DPYD: variants seen among roughly 807,000 people sequenced by gnomAD.
DPYD encodes dihydropyrimidine dehydrogenase, also known as dihydropyrimidine dehydrogenase [NADP(+)].
Under a neutral mutation model 116.2 loss-of-function variants are expected in DPYD, and 109 were observed. That is an observed-to-expected ratio of 0.94 (90% CI 0.80 to 1.10). DPYD has a LOEUF of 1.10. DPYD is among the 50% of genes least tolerant of loss of function. DPYD has a pLI of 0.00. For missense variants in DPYD, 1,302 were observed against 1,254.5 expected, an observed-to-expected ratio of 1.04 and a Z score of -0.57; for synonymous variants, 440 against 432.0, an observed-to-expected ratio of 1.02 and a Z score of -0.23.
At chr1:97,760,189 G>T (rs1665494966) in intron 3 of DPYD, among the ~76,000 whole-genome samples, 1 of 152,244 alleles carries the variant, frequency 6.6e-6, no homozygotes, top group Middle Eastern at 3.4e-3. Flanking sequence ...TAGCTGGAAT[G>T]AAATTCTAGT....
chr1:97,885,198 T>C (rs1333671127), intron 1 of DPYD, among the ~76,000 whole-genome samples: 1 of 152,056 alleles, frequency 6.6e-6, no homozygotes, highest in Admixed American at 6.6e-5. Flanking sequence ...CTAGATTCCA[T>C]GATTCTTTAA....
At chr1:97,170,124 G>A (rs974196431) in intron 20 of DPYD, among the ~76,000 whole-genome samples, 1 of 152,138 alleles carries the variant, frequency 6.6e-6, no homozygotes, top group Non-Finnish European at 1.5e-5. Context: ...CCCACATACA[G>A]ATCTAGAATA....
chr1:97,783,331 G>T (rs979455521), intron 3 of DPYD, among the ~76,000 whole-genome samples: 1 of 152,022 alleles, frequency 6.6e-6, no homozygotes, highest in Admixed American at 6.6e-5. Flanking sequence ...TGCTTTCCCA[G>T]GGAGATGTTT....
intron 18 of DPYD, among the ~76,000 whole-genome samples, chr1:97,289,640 C>A (rs1209730195): frequency 2.6e-5 from 4 of 152,096 alleles, no homozygotes; most frequent in African/African-American, 7.2e-5. Flanking sequence ...TTTAACAACC[C>A]TTCATGCTAA....
At chr1:97,100,185 T>C (rs1650561331) in intron 20 of DPYD, among the ~76,000 whole-genome samples, 1 of 152,044 alleles carries the variant, frequency 6.6e-6, no homozygotes, top group Admixed American at 6.6e-5. Flanking sequence ...AAGCATAAAA[T>C]AAATAAGAGT....
At chr1:97,592,772 A>T (rs1438643187) in intron 10 of DPYD, among the ~76,000 whole-genome samples, 1 of 152,238 alleles carries the variant, frequency 6.6e-6, no homozygotes, top group African/African-American at 2.4e-5. Context: ...TTGCTTCACA[A>T]ATAATGAACT....
chr1:97,605,889 T>C (rs1655562913), intron 8 of DPYD, among the ~76,000 whole-genome samples: 1 of 152,040 alleles, frequency 6.6e-6, no homozygotes, highest in African/African-American at 2.4e-5. Context: ...TTCCTTGATA[T>C]TTAACACAAT....
chr1:97,243,644 T>G (rs1246535550), intron 18 of DPYD, among the ~76,000 whole-genome samples: 1 of 151,818 alleles, frequency 6.6e-6, no homozygotes, highest in Non-Finnish European at 1.5e-5. Flanking sequence ...TAAAGATATA[T>G]TATCCAGGTA....
At chr1:97,582,425 T>G (rs539553281) in intron 10 of DPYD, among the ~76,000 whole-genome samples, 1 of 152,348 alleles carries the variant, frequency 6.6e-6, no homozygotes, top group South Asian at 2.1e-4. Context: ...TTATCTTGGT[T>G]ACCAAGGACA....
intron 12 of DPYD, among the ~76,000 whole-genome samples, chr1:97,544,438 C>T (rs1650674920): frequency 2.6e-5 from 4 of 152,138 alleles, no homozygotes; most frequent in Admixed American, 2.0e-4. Context: ...AAAATTCTTA[C>T]ATGGCACAAC....
chr1:97,438,759 T>C (rs750495377), intron 14 of DPYD, among the ~76,000 whole-genome samples: 1 of 152,110 alleles, frequency 6.6e-6, no homozygotes, highest in Non-Finnish European at 1.5e-5. Context: ...TGACTGTTCC[T>C]GTAAATTAAG....
intron 20 of DPYD, among the ~76,000 whole-genome samples, chr1:97,184,412 A>G (rs928382172): frequency 6.6e-6 from 1 of 152,100 alleles, no homozygotes; most frequent in Non-Finnish European, 1.5e-5. Context: ...TTTTCTCTGC[A>G]ACCTCACCAG....
At chr1:97,410,933 T>C (rs945880) in intron 14 of DPYD, among the ~76,000 whole-genome samples, 2,003 of 152,196 alleles carry the variant, frequency 0.013, 41 homozygotes, top group African/African-American at 0.046. Context: ...CCTCTCTGAT[T>C]TGAAGGACCC....
intron 3 of DPYD, among the ~76,000 whole-genome samples, chr1:97,750,480 A>C (rs921798697): frequency 2.6e-5 from 4 of 152,166 alleles, no homozygotes; most frequent in Non-Finnish European, 5.9e-5. Context: ...ACAATGCTAT[A>C]TTGTTTGCGT....
chr1:97,773,126 T>C (rs1485914858), intron 3 of DPYD, among the ~76,000 whole-genome samples: 1 of 152,204 alleles, frequency 6.6e-6, no homozygotes, highest in Admixed American at 6.5e-5. Flanking sequence ...CACTGAGTTC[T>C]TACAATGCCT....
At chr1:97,554,714 GA>G (rs1651567358) in intron 11 of DPYD, among the ~76,000 whole-genome samples, 1 of 152,076 alleles carries the variant, frequency 6.6e-6, no homozygotes, top group African/African-American at 2.4e-5. Flanking sequence ...CTCCAACTAA[GA>G]ATATCAAGTC....
rs1161464944 is a variant in DPYD at position 97,306,338 on chromosome 1, A to G, written c.2059-41T>C. 4 of 1,610,836 alleles carry G rather than the reference A, an allele frequency of 2.5e-6. No homozygotes were observed. The South Asian group carries it at 4.4e-5, about 18-fold the overall frequency. The stretch of plus-strand genomic sequence containing the variant: ...GGTTAAATATAGAACAAAATTAAAG[A>G]ATTGTGATCAAAATGTGTACTGGAA... On this transcript the variant is annotated intron_variant, in intron 16 of 22. Transcript: ENST00000370192.
At chr1:97,510,903 A>G (rs1311380706) in intron 13 of DPYD, among the ~76,000 whole-genome samples, 1 of 151,976 alleles carries the variant, frequency 6.6e-6, no homozygotes, top group Non-Finnish European at 1.5e-5. Flanking sequence ...CCACCTTGAT[A>G]AGACATTGTG....
intron 12 of DPYD, among the ~76,000 whole-genome samples, chr1:97,544,569 T>C (rs1650685950): frequency 6.6e-6 from 1 of 152,138 alleles, no homozygotes; most frequent in Non-Finnish European, 1.5e-5. Flanking sequence ...CAGATTTCTA[T>C]TCAAACTTCC....
Sources: gnomAD v4.1 joint callset for allele counts (sites outside exome capture counted in the v4.1 genomes callset) on GRCh38, gnomAD v4.1.1 for gene constraint, MANE v1.5 for transcripts, NCBI Gene and HGNC (gene_info 2026-07-23, HGNC 2026-07-21) for gene names.